Variants in CLCN5 observed in about 807,000 individuals in gnomAD.
CLCN5 encodes H(+)/Cl(-) exchange transporter 5.
CLCN5 carries 17 observed loss-of-function variants against 54.0 expected under a neutral mutation model. The observed-to-expected ratio is 0.31, with a 90% CI of 0.22 to 0.47. The LOEUF (loss-of-function observed/expected upper bound fraction) is 0.47. CLCN5 is among the 20% of genes least tolerant of loss of function. The probability of loss-of-function intolerance (pLI) is 1.00; values close to 1 mark genes in which losing one functional copy is unlikely to be tolerated. For synonymous variants in CLCN5, 222 were observed against 233.0 expected (o/e 0.95, Z 0.43); for missense variants, 448 against 646.7 (o/e 0.69, Z 3.33).
chrX:49,942,073 G>C (rs782130055), intron 3 of CLCN5, among the ~76,000 whole-genome samples: 1 of 104,924 alleles, frequency 9.5e-6, no homozygotes, highest in Non-Finnish European at 1.9e-5. Context: ...CTCTGCCTCT[G>C]TATCCCCCAC....
chrX:49,929,192 T>G (rs1394711927), intron 3 of CLCN5, among the ~76,000 whole-genome samples: 3 of 111,592 alleles, frequency 2.7e-5, no homozygotes, highest in African/African-American at 9.8e-5. Context: ...CTCATTGCTG[T>G]CTGGTTCCTC....
In CLCN5 at chrX:50,086,606, C is replaced by T. The variant is rs1366931473; in HGVS notation, c.1293C>T (p.Leu431=). The change falls in exon 11 of 15, where the codon CTC becomes CTT. Residue 431 remains leucine (L), a synonymous_variant. Transcript: ENST00000376091. The stretch of plus-strand genomic sequence containing the variant: ...GCAAGTATCCTGTTATAGAGGTACT[C>T]GTCGTGACAGCCATCACTGCCATCC... ...QLGKYPVIEV[L]VVTAITAILA... 6.6e-6 allele frequency: 8 copies of T among 1,208,462 alleles called. No homozygotes were observed. Among genetic ancestry groups the T allele is most frequent in the Admixed American group, 2.2e-5 (1 of 45,489 alleles).
chrX:49,979,789 A>C (rs1928650823), intron 3 of CLCN5, among the ~76,000 whole-genome samples: 1 of 111,213 alleles, frequency 9.0e-6, no homozygotes, highest in African/African-American at 3.3e-5. Flanking sequence ...GGAATGGCTA[A>C]ATCAAGCTAA....
intron 2 of CLCN5, among the ~76,000 whole-genome samples, chrX:49,924,145 A>ATTTTTTTTTTTTTTTT (rs34424526): frequency 7.1e-5 from 6 of 84,473 alleles, no homozygotes; most frequent in African/African-American, 2.2e-4. Flanking sequence ...CCTAGCTCCT[A>ATTTTTTTTTTTTTTTT]TTTTTTTTTT....
At chrX:49,927,851 G>T (rs782627769) in intron 3 of CLCN5, among the ~76,000 whole-genome samples, 4 of 112,372 alleles carry the variant, frequency 3.6e-5, no homozygotes, top group African/African-American at 1.3e-4. Flanking sequence ...CCTGTCATTT[G>T]CAGCAACATG....
intron 3 of CLCN5, among the ~76,000 whole-genome samples, chrX:49,998,488 G>T (rs1375754049): frequency 1.8e-5 from 2 of 111,875 alleles, no homozygotes; most frequent in Non-Finnish European, 3.8e-5. Context: ...CACAAAATGT[G>T]CAGATAAACA....
At chrX:49,947,810 A>T (rs1436721867) in intron 3 of CLCN5, among the ~76,000 whole-genome samples, 1 of 110,229 alleles carries the variant, frequency 9.1e-6, no homozygotes, top group African/African-American at 3.3e-5. Flanking sequence ...CAGCCACTTA[A>T]TTTTTCTGGG....
intron 3 of CLCN5, among the ~76,000 whole-genome samples, chrX:49,939,729 G>A (rs781804488): frequency 4.8e-4 from 53 of 110,937 alleles, no homozygotes; most frequent in African/African-American, 1.6e-3. Flanking sequence ...CATGGCACAT[G>A]TATACATATG....
At chrX:49,995,778 A>G (rs1258588864) in intron 3 of CLCN5, among the ~76,000 whole-genome samples, 1 of 111,948 alleles carries the variant, frequency 8.9e-6, no homozygotes, top group African/African-American at 3.2e-5. Context: ...TCCCTTGAGC[A>G]ATAAAGTAAA....
At chrX:49,931,959 A>T (rs1466883414) in intron 3 of CLCN5, among the ~76,000 whole-genome samples, 1 of 109,087 alleles carries the variant, frequency 9.2e-6, no homozygotes, top group Non-Finnish European at 1.9e-5. Context: ...TCTGTCACCC[A>T]GCCTGGAGTG....
intron 3 of CLCN5, among the ~76,000 whole-genome samples, chrX:50,030,737 C>A (rs1931656743): frequency 8.9e-6 from 1 of 111,852 alleles, no homozygotes; most frequent in Non-Finnish European, 1.9e-5. Context: ...AAAATCAATT[C>A]CTGACATCTG....
intron 3 of CLCN5, among the ~76,000 whole-genome samples, chrX:49,933,238 TAAAG>T (rs1230164100): frequency 9.0e-6 from 1 of 111,703 alleles, no homozygotes; most frequent in Non-Finnish European, 1.9e-5. Flanking sequence ...ATTAAAATAA[TAAAG>T]AAATAAATTT....
intron 4 of CLCN5, among the ~76,000 whole-genome samples, chrX:50,063,177 A>T (rs1388268521): frequency 1.0e-5 from 1 of 98,526 alleles, no homozygotes; most frequent in African/African-American, 4.0e-5. Context: ...ACTGAAGGAA[A>T]TAGAGACACA....
At chrX:50,033,823 C>T (rs1211907616) in intron 3 of CLCN5, among the ~76,000 whole-genome samples, 2 of 111,663 alleles carry the variant, frequency 1.8e-5, no homozygotes, top group African/African-American at 6.5e-5. Context: ...AATAAAAGCT[C>T]TTTAAGGGTC....
chrX:50,092,265 T>C lies in CLCN5; in HGVS notation c.*46T>C. On this transcript the variant is annotated 3_prime_UTR_variant, in exon 15 of 15. Transcript: ENST00000376091. ...AAAGCGGGAAGGACATTACAGACCA[T>C]GGATATGTTGTATTAACTGGGTACC... 1 of 914,538 alleles carries C rather than the reference T, an allele frequency of 1.1e-6. No homozygotes were observed. The highest frequency in any genetic ancestry group is 2.0e-5 in the South Asian group (1 of 50,447). The allele number at this position is 914,538 out of a possible 1,213,427, so 75.4% of individuals were successfully genotyped here. A position where few individuals can be genotyped will look rare whatever the true frequency, so the allele number is the denominator to read the frequency against.
At chrX:49,998,685 A>G (rs1373455640) in intron 3 of CLCN5, among the ~76,000 whole-genome samples, 4 of 111,248 alleles carry the variant, frequency 3.6e-5, no homozygotes, top group Non-Finnish European at 7.5e-5. Context: ...AGAGTGCCAG[A>G]AAGAAGAACC....
At chrX:49,939,332 TGTACAC>T (rs782753965) in intron 3 of CLCN5, among the ~76,000 whole-genome samples, 183 of 110,369 alleles carry the variant, frequency 1.7e-3, no homozygotes, top group Non-Finnish European at 2.4e-3. Context: ...TAAAGACACA[TGTACAC>T]GTATGTTTAT....
chrX:50,045,854 G>T (rs1179183583), intron 4 of CLCN5, among the ~76,000 whole-genome samples: 2 of 111,394 alleles, frequency 1.8e-5, no homozygotes, highest in African/African-American at 6.6e-5. Context: ...GTTTTCACAT[G>T]GGATTTCCTA....
At chrX:50,003,849 C>T (rs1204265994) in intron 3 of CLCN5, among the ~76,000 whole-genome samples, 1 of 111,771 alleles carries the variant, frequency 8.9e-6, no homozygotes, top group Non-Finnish European at 1.9e-5. Context: ...CTTAGCGGCA[C>T]CTAGAGGAGG....
Sources: gnomAD v4.1 joint callset for allele counts (sites outside exome capture counted in the v4.1 genomes callset) on GRCh38, gnomAD v4.1.1 for gene constraint, MANE v1.5 for transcripts, NCBI Gene and HGNC (gene_info 2026-07-23, HGNC 2026-07-21) for gene names.